Variants in SSBP1 observed in about 807,000 individuals in gnomAD.
SSBP1 encodes the protein single-stranded DNA-binding protein, mitochondrial.
SSBP1 carries 20 observed loss-of-function variants against 27.0 expected under a neutral mutation model. The observed-to-expected ratio is 0.74, with a 90% confidence interval of 0.52 to 1.08. SSBP1 has a LOEUF of 1.08. Among genes scored for constraint, SSBP1 ranks in the 50% least tolerant of loss-of-function variants. The pLI is 0.00. For synonymous variants in SSBP1, 59 were observed against 59.3 expected, an observed-to-expected ratio of 1.00 and a Z score of 0.02; for missense variants, 137 against 182.4, an observed-to-expected ratio of 0.75 and a Z score of 1.44.
chr7:141,743,741 A>G (rs1799660685), intron 4 of SSBP1, 40 bp downstream of exon 4: 1 of 1,598,146 alleles, frequency 6.3e-7, no homozygotes, highest in Non-Finnish European at 8.5e-7. Flanking sequence ...TATCAGCAAT[A>G]AATAGATATT....
chr7:141,749,900 T>C (rs1007941731), intron 6 of SSBP1, among the ~76,000 whole-genome samples: 1 of 152,266 alleles, frequency 6.6e-6, no homozygotes, highest in African/African-American at 2.4e-5. Context: ...ATATGGACTC[T>C]TACTCTTTCC....
intron 2 of SSBP1, chr7:141,739,980 TAA>T (rs974591503): frequency 7.5e-6 from 1 of 134,146 alleles, no homozygotes; most frequent in Non-Finnish European, 1.6e-5. Flanking sequence ...TGTCTTTAAA[TAA>T]GAGTTAAAAG....
chr7:141,750,349 G>C lies in SSBP1; in HGVS notation c.442G>C (p.Glu148Gln). ...TCTGAGTGACCAGACGAAAGAGAAG[G>C]AGTAGAAAGGATGATTCTTCTTTGG... is the stretch of plus-strand genomic sequence containing the variant. ...IFLSDQTKEK[E>Q] The change falls in exon 7 of 7, where the codon GAG becomes CAG. Residue 148 changes from glutamate (E) to glutamine (Q), a missense_variant. Glu to Gln is a conservative substitution (Grantham distance 29). Transcript: ENST00000265304. 2 of 1,599,572 alleles carry C rather than the reference G, an allele frequency of 1.3e-6. No homozygotes were observed. Among genetic ancestry groups the C allele is most frequent in the Non-Finnish European group, 1.7e-6 (2 of 1,175,682 alleles).
chr7:141,745,939 T>C (rs550787680), intron 6 of SSBP1: 2 of 1,019,022 alleles, frequency 2.0e-6, no homozygotes, highest in Non-Finnish European at 2.3e-6. Flanking sequence ...AAGATAAGAA[T>C]TACACTAATG....
intron 2 of SSBP1, chr7:141,741,816 TATC>T (rs1799544793): frequency 9.9e-7 from 1 of 1,014,866 alleles, no homozygotes. Context: ...TTACAAATAT[TATC>T]ATACTCTGTA....
rs533619103 is a variant in SSBP1 at position 141,743,094 on chromosome 7, C to A, written c.86-467C>A. Among the ~76,000 whole-genome samples, 8 of 152,306 alleles carry A rather than the reference C, an allele frequency of 5.3e-5. No individual in the cohort carries two copies. The East Asian group carries it at 1.5e-3, about 29-fold the overall frequency. On this transcript the variant is annotated intron_variant, in intron 3 of 6. Transcript: ENST00000265304. ...GGTCTCTCTCTCCTGACCTTGTGAT[C>A]CGCCCGCCTTGGCCTCCCAAAGTGC...
chr7:141,744,824 A>T (rs1799713387), intron 5 of SSBP1, among the ~76,000 whole-genome samples: 2 of 152,100 alleles, frequency 1.3e-5, no homozygotes, highest in Non-Finnish European at 2.9e-5. Context: ...TGGGGTGGGG[A>T]GCACCTGATG....
chr7:141,742,216 G>C lies in SSBP1; in HGVS notation c.72G>C (p.Leu24Phe). ...ATGAGTCCGAAACAACTACCAGTTTGGTTCTTGAAAGATGTAAGTAGCTAA... is the reference window on the plus strand; with the variant it reads ...ATGAGTCCGAAACAACTACCAGTTTCGTTCTTGAAAGATGTAAGTAGCTAA... Reference protein sequence around the residue: ...VRHESETTTSLVLERSLNRVH... With the variant: ...VRHESETTTSFVLERSLNRVH... Residue 24 changes from leucine (L) to phenylalanine (F), a missense_variant, in exon 3 of 7, where the codon TTG becomes TTC. Transcript: ENST00000265304. The C allele has an allele frequency of 6.2e-7, 1 of 1,604,298 alleles. No homozygotes were observed. Among genetic ancestry groups the C allele is most frequent in the Non-Finnish European group, 8.5e-7 (1 of 1,172,134 alleles).
At chr7:141,741,677 A>T in intron 2 of SSBP1, 3 of 648,560 alleles carry the variant, frequency 4.6e-6, no homozygotes, top group Non-Finnish European at 5.7e-6. Flanking sequence ...AGTTGTTTAT[A>T]CTAAAAAAAA....
chr7:141,746,719 G>T (rs1370417333), intron 6 of SSBP1, among the ~76,000 whole-genome samples: 6 of 152,164 alleles, frequency 3.9e-5, no homozygotes, highest in African/African-American at 1.4e-4. Flanking sequence ...AGATTAAGAA[G>T]ATATCCCTTA....
At chr7:141,740,720 A>G (rs768600530) in intron 2 of SSBP1, 1 of 152,256 alleles carries the variant, frequency 6.6e-6, no homozygotes, top group African/African-American at 2.4e-5. Flanking sequence ...TAATCAAAGA[A>G]CCAAATTTAT....
chr7:141,740,268 G>A (rs1036393013), intron 2 of SSBP1: 2 of 152,196 alleles, frequency 1.3e-5, no homozygotes, highest in Non-Finnish European at 1.5e-5. Flanking sequence ...GCACCCTGGG[G>A]ATTGGTGTTT....
At chr7:141,740,808 A>G (rs1584760829) in intron 2 of SSBP1, 1 of 152,234 alleles carries the variant, frequency 6.6e-6, no homozygotes, top group African/African-American at 2.4e-5. Flanking sequence ...TAAGCTCACT[A>G]CTGAAGCTGT....
intron 6 of SSBP1, among the ~76,000 whole-genome samples, chr7:141,747,875 G>A (rs1799841337): frequency 6.6e-6 from 1 of 150,558 alleles, no homozygotes; most frequent in South Asian, 2.1e-4. Flanking sequence ...ATGCGTGTCT[G>A]TAGTCCCAGC....
Position 141,743,687 on chromosome 7 carries a change from A to T in SSBP1, c.212A>T (p.Glu71Val). Reference sequence around the variant, plus strand: ...GAGATGTGGCGATCAGGGGATAGTGAAGTTTACCAACTGGGTGAGTACAAA... The same window carrying T: ...GAGATGTGGCGATCAGGGGATAGTGTAGTTTACCAACTGGGTGAGTACAAA... ...TNEMWRSGDS[E>V]VYQLGDVSQK... Residue 71 changes from glutamate (E) to valine (V), a missense_variant, in exon 4 of 7, where the codon GAA becomes GTA. Glu to Val is a moderately radical substitution (Grantham distance 121). Transcript: ENST00000265304. 1 of 1,614,202 alleles carries T rather than the reference A, an allele frequency of 6.2e-7. No homozygotes were observed. Among genetic ancestry groups the T allele is most frequent in the Non-Finnish European group, 8.5e-7 (1 of 1,180,034 alleles).
chr7:141,750,259 G>C, intron 6 of SSBP1, 52 bp from the exon 7 acceptor site: 1 of 1,315,348 alleles, frequency 7.6e-7, no homozygotes, highest in African/African-American at 1.5e-5. Context: ...ATTATTGAAT[G>C]AGATGGAGAA....
At chr7:141,741,797 A>T (rs1405086176) in intron 2 of SSBP1, 1 of 1,010,736 alleles carries the variant, frequency 9.9e-7, no homozygotes, top group East Asian at 9.4e-5. Flanking sequence ...TCTTAGGTAC[A>T]GGTTGGATTT....
chr7:141,747,910 A>G (rs1799842149), intron 6 of SSBP1, among the ~76,000 whole-genome samples: 1 of 147,974 alleles, frequency 6.8e-6, no homozygotes, highest in African/African-American at 2.5e-5. Context: ...AGTCATGAGA[A>G]TTGCTTGAAC....
chr7:141,743,310 C>T (rs181846280), intron 3 of SSBP1, among the ~76,000 whole-genome samples: 1 of 152,314 alleles, frequency 6.6e-6, no homozygotes, highest in East Asian at 1.9e-4. Context: ...GGGCTGTCTT[C>T]CTGGCTTGCA....
Sources: allele counts gnomAD v4.1 joint callset (sites outside exome capture counted in the v4.1 genomes callset), GRCh38; gene constraint gnomAD v4.1.1; transcripts MANE v1.5; gene names NCBI Gene and HGNC (gene_info 2026-07-23, HGNC 2026-07-21).